FSAF1: variants seen among roughly 807,000 people sequenced by gnomAD.
The protein encoded by FSAF1 is 40S small subunit processome assembly factor 1, also known as uncharacterized protein C1orf131.
At chr1:231,239,780 G>A in the FSAF1 span, among the ~76,000 whole-genome samples, 36 of 152,266 alleles carry the variant, frequency 2.4e-4, no homozygotes, top group African/African-American at 7.9e-4. Flanking sequence ...ACCAGCTGCT[G>A]ATTTATGCTT....
At chr1:231,225,912 G>A in the FSAF1 span, 1 of 188,498 alleles carries the variant, frequency 5.3e-6, no homozygotes, top group Non-Finnish European at 1.1e-5. Flanking sequence ...TCCATTTTAG[G>A]TGAAAGGTAG....
the FSAF1 span, among the ~76,000 whole-genome samples, chr1:231,235,461 C>T: frequency 1.3e-5 from 2 of 151,558 alleles, no homozygotes; most frequent in Non-Finnish European, 2.9e-5. Flanking sequence ...CAGGCCACTG[C>T]ACTCCAGCCT....
At chr1:231,234,165 C>T in the FSAF1 span, among the ~76,000 whole-genome samples, 1 of 152,174 alleles carries the variant, frequency 6.6e-6, no homozygotes, top group African/African-American at 2.4e-5. The surrounding 1 kb of genome is among the most constrained non-coding windows in gnomAD (Gnocchi z 4.0). Context: ...TGCTCAGGGG[C>T]GGCCTTCATG....
chr1:231,240,424 T>A, the FSAF1 span, among the ~76,000 whole-genome samples: 1 of 152,016 alleles, frequency 6.6e-6, no homozygotes, highest in South Asian at 2.1e-4. The surrounding 1 kb of genome is among the most constrained non-coding windows in gnomAD (Gnocchi z 4.1). Flanking sequence ...CTCTTCAGAG[T>A]ATGAGGCACT....
chr1:231,238,967 C>T, the FSAF1 span: 4 of 1,614,178 alleles, frequency 2.5e-6, no homozygotes, highest in South Asian at 3.3e-5. Flanking sequence ...GGAACTGCAG[C>T]AGCAAGGATC....
At chr1:231,226,506 A>G in the FSAF1 span, 2 of 581,042 alleles carry the variant, frequency 3.4e-6, no homozygotes, top group South Asian at 4.3e-5. Context: ...TACAGCAACA[A>G]AAACGGACTA....
the FSAF1 span, chr1:231,224,443 T>C: frequency 1.0e-5 from 16 of 1,584,080 alleles, no homozygotes; most frequent in Non-Finnish European, 1.4e-5. Context: ...AAAGGTACTA[T>C]AAATAGTCAA....
the FSAF1 span, chr1:231,237,470 G>C: frequency 2.0e-5 from 3 of 152,172 alleles, no homozygotes; most frequent in Non-Finnish European, 4.4e-5. Context: ...CCAGATTCAG[G>C]GTGGGCCTAA....
chr1:231,225,289 G>C, the FSAF1 span: 1 of 606,304 alleles, frequency 1.6e-6, no homozygotes, highest in South Asian at 2.2e-5. Flanking sequence ...TCCTAATTCA[G>C]TTCTCAGGCA....
chr1:231,232,112 T>A, the FSAF1 span, among the ~76,000 whole-genome samples: 5 of 152,240 alleles, frequency 3.3e-5, no homozygotes, highest in Admixed American at 1.3e-4. Flanking sequence ...CACCACTGTC[T>A]AATTTTTATT....
At chr1:231,233,621 C>T in the FSAF1 span, among the ~76,000 whole-genome samples, 2,222 of 152,130 alleles carry the variant, frequency 0.015, 58 homozygotes, top group African/African-American at 0.051. Context: ...GGCACAATCT[C>T]GACTCACTGC....
At chr1:231,235,807 C>T in the FSAF1 span, among the ~76,000 whole-genome samples, 1 of 152,192 alleles carries the variant, frequency 6.6e-6, no homozygotes, top group Admixed American at 6.5e-5. Flanking sequence ...TGTCTCTAAA[C>T]ATAAAAAAAT....
chr1:231,235,012 T>C, the FSAF1 span, among the ~76,000 whole-genome samples: 3 of 152,208 alleles, frequency 2.0e-5, no homozygotes, highest in African/African-American at 7.2e-5. Flanking sequence ...TATAATTCTT[T>C]CTAATTATAT....
At chr1:231,224,211 C>T in the FSAF1 span, 7 of 1,503,898 alleles carry the variant, frequency 4.7e-6, no homozygotes, top group East Asian at 6.8e-5. Flanking sequence ...TATCTAGAGT[C>T]GCACAGGGTC....
At chr1:231,229,103 G>A in the FSAF1 span, 2 of 1,134,034 alleles carry the variant, frequency 1.8e-6, no homozygotes, top group Admixed American at 2.4e-5. Context: ...AACAAATACT[G>A]TAAATAAAGT....
chr1:231,227,037 G>GT, the FSAF1 span: 3 of 1,613,856 alleles, frequency 1.9e-6, no homozygotes, highest in Non-Finnish European at 2.5e-6. Context: ...TCCATAACCC[G>GT]TGATACCAAA....
At chr1:231,228,285 A>G in the FSAF1 span, among the ~76,000 whole-genome samples, 2 of 152,198 alleles carry the variant, frequency 1.3e-5, no homozygotes, top group Non-Finnish European at 2.9e-5. Flanking sequence ...CATGTATTAA[A>G]TGAGTATAAA....
the FSAF1 span, chr1:231,225,245 G>C: frequency 1.7e-6 from 1 of 573,292 alleles, no homozygotes; most frequent in Non-Finnish European, 3.1e-6. Context: ...TAGTCACTTA[G>C]AGTGTCGGTG....
At chr1:231,241,151 C>T in the FSAF1 span, 1 of 1,604,184 alleles carries the variant, frequency 6.2e-7, no homozygotes, top group Non-Finnish European at 8.5e-7. Flanking sequence ...TTCTGCCGCG[C>T]TGCACCCCCG....
Sources: gnomAD v4.1 joint callset for allele counts (sites outside exome capture counted in the v4.1 genomes callset) on GRCh38, gnomAD v4.1.1 for gene constraint, Gnocchi (gnomAD v3.1) non-coding constraint, MANE v1.5 for transcripts, NCBI Gene and HGNC (gene_info 2026-07-23, HGNC 2026-07-21) for gene names.